DENND6A: variants seen among roughly 807,000 people sequenced by gnomAD.
DENND6A encodes the protein DENN domain containing 6A.
A neutral mutation model predicts 95.5 loss-of-function variants in DENND6A; 43 were observed. The observed-to-expected ratio is 0.45, with a 90% CI of 0.35 to 0.58. DENND6A has a LOEUF of 0.58. Ranked by LOEUF, DENND6A falls within the 20% of genes least tolerant of loss-of-function variation. The pLI, the probability that DENND6A is intolerant of heterozygous loss-of-function variation, is 0.00. For missense variants in DENND6A, 574 were observed against 736.0 expected (o/e 0.78, Z 2.55); for synonymous variants, 257 against 260.4 (o/e 0.99, Z 0.13).
rs548320876 is a variant in DENND6A at position 57,668,348 on chromosome 3, C to G, written c.320-2113G>C. On this transcript the variant is annotated intron_variant, in intron 3 of 19. Coordinates refer to ENST00000311128, the MANE Select transcript of DENND6A (RefSeq NM_152678.3). ...TCCAGAACAAGGAGGATTAATGTTT[C>G]CCTCAGATTCATCATTGCTTCAAAC... 2.0e-5 allele frequency among the ~76,000 whole-genome samples: 3 copies of G among 152,270 alleles called. No individual in the cohort carries two copies. In the South Asian group the frequency reaches 6.2e-4, roughly 32 times the overall value.
intron 1 of DENND6A, among the ~76,000 whole-genome samples, chr3:57,691,001 T>C (rs1214295566): frequency 1.3e-5 from 2 of 152,230 alleles, no homozygotes; most frequent in African/African-American, 4.8e-5. Flanking sequence ...GCATACACTA[T>C]GGAAAATGAA....
At chr3:57,636,753 A>C (rs1001066078) in intron 12 of DENND6A, among the ~76,000 whole-genome samples, 1 of 151,962 alleles carries the variant, frequency 6.6e-6, no homozygotes, top group Admixed American at 6.6e-5. Context: ...CCTGGCCAAC[A>C]TGGGGAAGCC....
chr3:57,655,321 C>T (rs983025195), intron 9 of DENND6A, among the ~76,000 whole-genome samples: 1 of 152,234 alleles, frequency 6.6e-6, no homozygotes, highest in Non-Finnish European at 1.5e-5. Flanking sequence ...GCGTGAGCCA[C>T]TGCATCTGGC....
intron 1 of DENND6A, among the ~76,000 whole-genome samples, chr3:57,683,332 C>A (rs1192081577): frequency 1.3e-5 from 2 of 152,102 alleles, no homozygotes; most frequent in African/African-American, 4.8e-5. Context: ...TTTCCTTGTG[C>A]CAGGCACTGT....
At chr3:57,636,050 C>T (rs886656434) in intron 12 of DENND6A, among the ~76,000 whole-genome samples, 2 of 152,124 alleles carry the variant, frequency 1.3e-5, no homozygotes, top group African/African-American at 4.8e-5. Context: ...ATATATAATA[C>T]ATAAAACATA....
chr3:57,670,019 CAAAAAA>C (rs780880587), intron 3 of DENND6A, among the ~76,000 whole-genome samples: 1 of 57,778 alleles, frequency 1.7e-5, no homozygotes, highest in Admixed American at 2.1e-4. Context: ...AACTCCATCT[CAAAAAA>C]AAAAAAAAAA....
intron 1 of DENND6A, among the ~76,000 whole-genome samples, chr3:57,674,372 C>CA (rs113228295): frequency 0.014 from 1,785 of 126,900 alleles, 36 homozygotes; most frequent in African/African-American, 0.044. Context: ...GACCCCGTCT[C>CA]AAAAAAAAAA....
chr3:57,641,762 A>G lies in DENND6A; in HGVS notation c.1038-15T>C. ...TAACTGAGGGCCTATAAAAAACAAAACAAAACAAAATAAAAAAGGTGAGAA... is the reference window on the plus strand; with the variant it reads ...TAACTGAGGGCCTATAAAAAACAAAGCAAAACAAAATAAAAAAGGTGAGAA... On this transcript the variant is annotated splice_polypyrimidine_tract_variant and intron_variant, in intron 11 of 19. Coordinates refer to ENST00000311128, the MANE Select transcript of DENND6A (RefSeq NM_152678.3). 6.3e-7 allele frequency: 1 copy of G among 1,591,224 alleles called. No individual in the cohort carries two copies. The highest frequency in any genetic ancestry group is 8.6e-7 in the Non-Finnish European group (1 of 1,166,894).
rs771694345 is a variant in DENND6A, at chr3:57,660,709, A to AAAAAAT, written c.699+45_699+50dup. On this transcript the variant is annotated intron_variant, in intron 7 of 19. Coordinates refer to ENST00000311128, the MANE Select transcript of DENND6A (RefSeq NM_152678.3). Reference sequence around the variant, plus strand: ...GGTGACAGCACAAGACCCTGTCTCAAAAAAATAAAAATAAAAATAAAAAGG... The same window carrying AAAAAAT: ...GGTGACAGCACAAGACCCTGTCTCAAAAAAATAAAAATAAAAATAAAAATAAAAAGG... 1,526 of 1,523,048 alleles carry AAAAAAT rather than the reference A, an allele frequency of 1.0e-3. 7 individuals are homozygous for AAAAAAT. The highest frequency in any genetic ancestry group is 9.0e-4 in the Non-Finnish European group (1,017 of 1,124,992). 94.3% of individuals were successfully genotyped at this position (1,523,048 alleles called of 1,614,324 possible).
chr3:57,675,078 A>C (rs2071687778), intron 1 of DENND6A, among the ~76,000 whole-genome samples: 1 of 152,250 alleles, frequency 6.6e-6, no homozygotes, highest in Non-Finnish European at 1.5e-5. Flanking sequence ...CCCCTGAGAC[A>C]TGAGTTTATG....
chr3:57,636,702 T>C (rs1261110411), intron 12 of DENND6A, among the ~76,000 whole-genome samples: 1 of 152,030 alleles, frequency 6.6e-6, no homozygotes, highest in Non-Finnish European at 1.5e-5. Flanking sequence ...TTTGGAAAGC[T>C]GAGGCGGGTG....
rs766880866 is a variant in DENND6A at position 57,628,373 on chromosome 3, A to C, written c.1696-28T>G. 4 of 1,607,342 alleles carry C rather than the reference A, an allele frequency of 2.5e-6. No homozygotes were observed. The Admixed American group carries it at 6.8e-5, about 27-fold the overall frequency. The stretch of plus-strand genomic sequence containing the variant: ...ACATAAGGAACATTTCATAACATTT[A>C]AATTATCCTCAGAATCTGTATTAAT... On this transcript the variant is annotated intron_variant, in intron 19 of 19. Transcript: ENST00000311128.
At chr3:57,690,312 T>A (rs566751126) in intron 1 of DENND6A, among the ~76,000 whole-genome samples, 33 of 152,266 alleles carry the variant, frequency 2.2e-4, no homozygotes, top group African/African-American at 7.9e-4. Context: ...GAGACCATCC[T>A]GGCTAACACG....
intron 1 of DENND6A, among the ~76,000 whole-genome samples, chr3:57,674,791 T>TA (rs896268055): frequency 1.3e-5 from 2 of 152,150 alleles, no homozygotes; most frequent in Admixed American, 6.5e-5. Context: ...TATGCAGCCA[T>TA]AAAAAAAGAA....
chr3:57,680,381 C>T (rs754889573), intron 1 of DENND6A, among the ~76,000 whole-genome samples: 4 of 152,166 alleles, frequency 2.6e-5, no homozygotes, highest in African/African-American at 7.2e-5. Flanking sequence ...CTTTGGGAGG[C>T]GATCAAGTCG....
intron 3 of DENND6A, among the ~76,000 whole-genome samples, chr3:57,668,372 ACT>A (rs1290402876): frequency 1.3e-5 from 2 of 152,138 alleles, no homozygotes; most frequent in Non-Finnish European, 2.9e-5. Context: ...ATTGCTTCAA[ACT>A]CTCTCTACTA....
intron 5 of DENND6A, among the ~76,000 whole-genome samples, chr3:57,662,322 C>G (rs192529051): frequency 9.1e-4 from 137 of 150,692 alleles, no homozygotes; most frequent in Admixed American, 1.7e-3. Flanking sequence ...TCCTGAGTAG[C>G]TGGGACTACA....
chr3:57,687,785 T>C (rs1034851579), intron 1 of DENND6A, among the ~76,000 whole-genome samples: 2 of 151,860 alleles, frequency 1.3e-5, no homozygotes, highest in African/African-American at 4.8e-5. Context: ...ATTTAAAAAT[T>C]AGCCTGGTGC....
chr3:57,651,127 A>T (rs753489537), intron 9 of DENND6A, among the ~76,000 whole-genome samples: 10 of 152,228 alleles, frequency 6.6e-5, no homozygotes, highest in Non-Finnish European at 1.3e-4. Context: ...AATGAAGTAC[A>T]GACAGTCCCC....
Sources: gnomAD v4.1 joint callset for allele counts (sites outside exome capture counted in the v4.1 genomes callset) on GRCh38, gnomAD v4.1.1 for gene constraint, MANE v1.5 for transcripts, NCBI Gene and HGNC (gene_info 2026-07-23, HGNC 2026-07-21) for gene names.